The following MYO18B variants were observed in gnomAD, a reference collection of about 807,000 sequenced individuals.
MYO18B encodes unconventional myosin-XVIIIb.
Under a neutral mutation model 273.0 loss-of-function variants are expected in MYO18B, and 204 were observed. The ratio of observed to expected loss-of-function variants is 0.75; its 90% CI spans 0.67 to 0.84. MYO18B has a LOEUF of 0.84. Ranked by LOEUF, MYO18B falls within the 40% of genes least tolerant of loss-of-function variation. The pLI is 0.00. For missense variants in MYO18B, 3,212 were observed against 3,287.6 expected (o/e 0.98, Z 0.56); for synonymous variants, 1,330 against 1,305.7 (o/e 1.02, Z -0.40).
intron 21 of MYO18B, 73 bp downstream of exon 21, chr22:25,851,652 C>T: frequency 8.7e-7 from 1 of 1,145,690 alleles, no homozygotes. Flanking sequence ...TGTTCCAAGG[C>T]TGGGCACGGT....
intron 42 of MYO18B, among the ~76,000 whole-genome samples, chr22:26,021,285 A>G (rs911234061): frequency 6.6e-6 from 1 of 152,194 alleles, no homozygotes; most frequent in Non-Finnish European, 1.5e-5. Context: ...CCATACTTAC[A>G]GCATTTTCAT....
intron 42 of MYO18B, among the ~76,000 whole-genome samples, chr22:26,016,225 T>C (rs1019678311): frequency 6.6e-6 from 1 of 152,222 alleles, no homozygotes; most frequent in Non-Finnish European, 1.5e-5. Flanking sequence ...TCTAGAATTG[T>C]GTTCTTCAAA....
In MYO18B at chr22:25,865,352, A is replaced by G. The variant is rs528278646; in HGVS notation, c.3886-2968A>G. On this transcript the variant is annotated intron_variant, in intron 21 of 43. Transcript: ENST00000335473. The stretch of plus-strand genomic sequence containing the variant: ...ATGTTCTCAGCTACATAGACATCTA[A>G]AGAGTTCTCAGAAAGCAAAGAGCTG... Among the ~76,000 whole-genome samples, 4 of 152,320 alleles carry G rather than the reference A, an allele frequency of 2.6e-5. No individual in the cohort carries two copies. The East Asian group carries it at 7.7e-4, about 29-fold the overall frequency.
intron 36 of MYO18B, among the ~76,000 whole-genome samples, chr22:25,948,484 T>C (rs5752246): frequency 3.0e-5 from 3 of 98,588 alleles, no homozygotes; most frequent in Non-Finnish European, 4.6e-5. Flanking sequence ...CTTTCTTTCT[T>C]TCTCTTTCTT....
intron 42 of MYO18B, among the ~76,000 whole-genome samples, chr22:26,023,628 CG>C (rs1029811977): frequency 6.6e-6 from 1 of 152,072 alleles, no homozygotes; most frequent in African/African-American, 2.4e-5. Context: ...GGCAGAGTCC[CG>C]GGAGATTCAG....
intron 33 of MYO18B, among the ~76,000 whole-genome samples, chr22:25,917,103 A>G (rs957277880): frequency 6.6e-6 from 1 of 152,238 alleles, no homozygotes; most frequent in African/African-American, 2.4e-5. Flanking sequence ...ACTGTTTATG[A>G]GGCACAGGGT....
intron 7 of MYO18B, among the ~76,000 whole-genome samples, chr22:25,774,693 G>A (rs775526592): frequency 2.0e-5 from 3 of 152,220 alleles, no homozygotes; most frequent in Non-Finnish European, 4.4e-5. Flanking sequence ...ATGGCCACCA[G>A]GTGGGAGCAC....
At chr22:25,963,123 CCTCTTT>C (rs944085389) in intron 39 of MYO18B, among the ~76,000 whole-genome samples, 5 of 150,784 alleles carry the variant, frequency 3.3e-5, no homozygotes, top group African/African-American at 7.3e-5. Flanking sequence ...CTCTCTCTCT[CCTCTTT>C]CTCTTTCTCC....
Position 25,876,329 on chromosome 22 carries a change from G to A in MYO18B, c.4221G>A (p.Lys1407=). ...TTGGAACTGAGCAGCTCCGAGCCAA[G>A]GAGGTCAGTCTATGTGGCAGGCAGG... ...ATIGTEQLRA[K]EEELTTLRRK... The change falls in exon 24 of 44, where the codon AAG becomes AAA. Residue 1407 remains lysine (K), a synonymous_variant. Coordinates refer to ENST00000335473, the MANE Select transcript of MYO18B (RefSeq NM_032608.7). 1.9e-6 allele frequency: 3 copies of A among 1,610,230 alleles called. No homozygotes were observed. Among genetic ancestry groups the A allele is most frequent in the Non-Finnish European group, 2.5e-6 (3 of 1,177,772 alleles).
chr22:25,832,905 G>A lies in MYO18B; in HGVS notation c.2980-12G>A, dbSNP rs763172211. 2 of 1,612,788 alleles carry A rather than the reference G, an allele frequency of 1.2e-6. No homozygotes were observed. The highest frequency in any genetic ancestry group is 8.5e-7 in the Non-Finnish European group (1 of 1,179,006). ...CTAAAAGTGCTAACTTTTAAATCCT[G>A]TTATTTTCCAGGAAGGTGTTCCTGT... is the stretch of plus-strand genomic sequence containing the variant. On this transcript the variant is annotated splice_polypyrimidine_tract_variant and intron_variant, in intron 15 of 43. Transcript: ENST00000335473.
At position 25,768,163 on chromosome 22, in the gene MYO18B, AC is replaced by A. The variant is rs2086573104; in HGVS notation, c.249del (p.Arg84AspfsTer37). On this transcript the variant is annotated frameshift_variant, in exon 4 of 44. Coordinates refer to ENST00000335473, the MANE Select transcript of MYO18B (RefSeq NM_032608.7). LOFTEE classifies it high-confidence loss of function. ...SQPNSKSSSG[T>X]RSGSQQISQD... is the part of the protein sequence containing the mutation. ...ACCCAACAGCAAGTCCAGCAGTGGC[AC>A]CAGATCTGGAAGCCAGCAGATCTCT... The A allele has an allele frequency of 6.2e-7, 1 of 1,611,928 alleles. No homozygotes were observed. The highest frequency in any genetic ancestry group is 1.3e-5 in the African/African-American group (1 of 74,862).
chr22:25,781,933 C>T, intron 10 of MYO18B, 99 bp downstream of exon 10: 2 of 760,122 alleles, frequency 2.6e-6, no homozygotes, highest in Non-Finnish European at 3.8e-6. Flanking sequence ...CACTGAGAGG[C>T]CGTGGGACCC....
chr22:25,948,510 C>CT (rs1569225622), intron 36 of MYO18B, among the ~76,000 whole-genome samples: 8 of 14,386 alleles, frequency 5.6e-4, no homozygotes, highest in African/African-American at 1.2e-3. Flanking sequence ...CCTCTCTTTT[C>CT]TCTTTCCTTC....
intron 34 of MYO18B, among the ~76,000 whole-genome samples, chr22:25,924,084 T>C (rs958886140): frequency 2.0e-5 from 3 of 152,204 alleles, no homozygotes; most frequent in Non-Finnish European, 4.4e-5. Context: ...GAAATCGTTA[T>C]AAGGATGGGA....
intron 13 of MYO18B, among the ~76,000 whole-genome samples, chr22:25,825,805 C>T (rs1186349711): frequency 6.6e-6 from 1 of 152,146 alleles, no homozygotes; most frequent in African/African-American, 2.4e-5. Context: ...TTATTTCTCT[C>T]AATATTTCAT....
In MYO18B at chr22:26,027,212, A is replaced by G; in HGVS notation, c.7238A>G (p.His2413Arg). 2 of 1,613,920 alleles carry G rather than the reference A, an allele frequency of 1.2e-6. No homozygotes were observed. Among genetic ancestry groups the G allele is most frequent in the Non-Finnish European group, 1.7e-6 (2 of 1,179,886 alleles). ...GTTTTCCAGAACCGCCAGTTTGCCCACCTGATGGAGGAACCTCTAGGCAGT... is the reference window on the plus strand; with the variant it reads ...GTTTTCCAGAACCGCCAGTTTGCCCGCCTGATGGAGGAACCTCTAGGCAGT... ...PLVFQNRQFA[H>R]LMEEPLGSDP... is the part of the protein sequence containing the mutation. Residue 2413 changes from histidine (H) to arginine (R), a missense_variant, in exon 43 of 44, where the codon CAC becomes CGC. By Grantham distance (29) the His-to-Arg change is conservative. Transcript: ENST00000335473. This position sits in a 1 kb window ranked among gnomAD's most constrained non-coding sequence, Gnocchi z 4.1.
chr22:25,760,719 T>C (rs2086284870), intron 1 of MYO18B, among the ~76,000 whole-genome samples: 1 of 152,236 alleles, frequency 6.6e-6, no homozygotes, highest in African/African-American at 2.4e-5. Context: ...TAAGAGCCAC[T>C]GAGCTGTACC....
intron 12 of MYO18B, among the ~76,000 whole-genome samples, chr22:25,821,013 T>G (rs1292943560): frequency 6.6e-6 from 1 of 152,230 alleles, no homozygotes; most frequent in East Asian, 1.9e-4. Context: ...ACTTCATGCT[T>G]TTTTATGTCT....
At chr22:25,961,602 G>A (rs180763138) in intron 39 of MYO18B, among the ~76,000 whole-genome samples, 32 of 152,272 alleles carry the variant, frequency 2.1e-4, no homozygotes, top group Admixed American at 2.1e-3. Flanking sequence ...ACTCCTCTGT[G>A]GATGTATATC....
Sources: gnomAD v4.1 joint callset for allele counts (sites outside exome capture counted in the v4.1 genomes callset) on GRCh38, gnomAD v4.1.1 for gene constraint, Gnocchi (gnomAD v3.1) non-coding constraint, MANE v1.5 for transcripts, NCBI Gene and HGNC (gene_info 2026-07-23, HGNC 2026-07-21) for gene names.